CRTAC1: variants seen among roughly 807,000 people sequenced by gnomAD.
CRTAC1 encodes cartilage acidic protein 1.
Under a neutral mutation model 67.8 loss-of-function variants are expected in CRTAC1, and 37 were observed. The observed-to-expected ratio is 0.55, with a 90% CI of 0.42 to 0.72. The LOEUF is 0.72. Among genes scored for constraint, CRTAC1 ranks in the 30% least tolerant of loss-of-function variants. CRTAC1 has a pLI of 0.00. For missense variants in CRTAC1, 780 were observed against 931.6 expected, an observed-to-expected ratio of 0.84 and a Z score of 2.12; for synonymous variants, 348 against 371.0, an observed-to-expected ratio of 0.94 and a Z score of 0.71.
rs375434421 is a variant in CRTAC1, at chr10:97,923,261, C to A, written c.558+3G>T. The A allele has an allele frequency of 6.2e-6, 10 of 1,613,912 alleles. No individual in the cohort carries two copies. The highest frequency in any genetic ancestry group is 6.8e-6 in the Non-Finnish European group (8 of 1,180,034). ...CCAGGACCCCATGTGCCCCTGCACT[C>A]ACCTTTCTGTCCACACAGGCCACAG... On this transcript the variant is annotated splice_donor_region_variant and intron_variant, in intron 4 of 14. Coordinates refer to ENST00000370597, the MANE Select transcript of CRTAC1 (RefSeq NM_018058.7).
intron 2 of CRTAC1, among the ~76,000 whole-genome samples, chr10:97,996,976 A>G (rs1842586596): frequency 6.6e-6 from 1 of 151,114 alleles, no homozygotes; most frequent in Admixed American, 6.6e-5. Context: ...TCAGTAAACT[A>G]TCGCAAGGAC....
intron 2 of CRTAC1, among the ~76,000 whole-genome samples, chr10:97,965,711 T>C (rs1590245168): frequency 6.6e-6 from 1 of 152,226 alleles, no homozygotes; most frequent in Middle Eastern, 3.4e-3. Flanking sequence ...GCTATATTAA[T>C]AGAGACATGT....
chr10:97,909,165 C>T (rs1415554453), intron 5 of CRTAC1, among the ~76,000 whole-genome samples: 2 of 152,136 alleles, frequency 1.3e-5, no homozygotes, highest in Non-Finnish European at 2.9e-5. Context: ...GAGCTATCCA[C>T]GTCAAGAAGT....
At chr10:97,918,309 G>A (rs1487062380) in intron 4 of CRTAC1, among the ~76,000 whole-genome samples, 2 of 152,162 alleles carry the variant, frequency 1.3e-5, no homozygotes, top group African/African-American at 4.8e-5. Flanking sequence ...TTTGCATCCA[G>A]GAGCAGCCCT....
chr10:97,865,630 G>A lies in CRTAC1; in HGVS notation c.1904C>T (p.Ala635Val). The A allele has an allele frequency of 6.2e-7, 1 of 1,613,080 alleles. No individual in the cohort carries two copies. The highest frequency in any genetic ancestry group is 8.5e-7 in the Non-Finnish European group (1 of 1,179,618). Residue 635 changes from alanine to valine, a missense_variant, in exon 15 of 15, where the codon GCT (alanine) becomes GTT (valine). Ala to Val is a moderately conservative substitution (Grantham distance 64). Transcript: ENST00000370597. ...TACGAGGACCGGTGCAGCAGTGGCA[G>A]CTCCAGCAGCGGCAGCAGCAGCGGC... ...ATAAAAAAAGAATAAPVLVDG... is the reference protein window; with the variant it reads ...ATAAAAAAAGVATAAPVLVDG...
At chr10:97,961,027 G>GCC (rs1220629419) in intron 2 of CRTAC1, among the ~76,000 whole-genome samples, 2 of 151,980 alleles carry the variant, frequency 1.3e-5, no homozygotes, top group East Asian at 3.9e-4. Flanking sequence ...TTCCCTGGCT[G>GCC]CCCCATTTTC....
At chr10:97,885,046 G>A (rs2050262077) in intron 11 of CRTAC1, among the ~76,000 whole-genome samples, 1 of 152,210 alleles carries the variant, frequency 6.6e-6, no homozygotes, top group Non-Finnish European at 1.5e-5. Context: ...AGTCCAGTTG[G>A]GGAGACAAGC....
In CRTAC1 at chr10:97,896,964, G is replaced by A. The variant is rs887180386; in HGVS notation, c.1161C>T (p.Pro387=). ...FRVIRREHGD[P]LIEELNPGDA... is the part of the protein sequence containing the mutation. ...CGCCGGGATTGAGCTCCTCGATGAG[G>A]GGGTCTCCGTGCTCTCTACGGATGA... Residue 387 remains proline (P), a synonymous_variant, in exon 9 of 15, where the codon CCC becomes CCT. Coordinates refer to ENST00000370597, the MANE Select transcript of CRTAC1 (RefSeq NM_018058.7). The A allele has an allele frequency of 1.3e-6, 2 of 1,560,434 alleles. No individual in the cohort carries two copies. The highest frequency in any genetic ancestry group is 2.7e-5 in the African/African-American group (2 of 73,730).
chr10:98,015,656 C>G (rs1278222623), intron 1 of CRTAC1, among the ~76,000 whole-genome samples: 1 of 152,164 alleles, frequency 6.6e-6, no homozygotes, highest in Non-Finnish European at 1.5e-5. Flanking sequence ...TTTTTAAAAG[C>G]TCCCACATGA....
intron 2 of CRTAC1, among the ~76,000 whole-genome samples, chr10:97,949,111 G>A (rs2051309420): frequency 6.6e-6 from 1 of 152,226 alleles, no homozygotes; most frequent in Non-Finnish European, 1.5e-5. Context: ...ACAGCTGAGA[G>A]GACAGTGTGG....
chr10:97,897,037 G>A (rs997109656), intron 8 of CRTAC1, 46 bp from the exon 9 acceptor site: 27 of 1,423,662 alleles, frequency 1.9e-5, no homozygotes, highest in South Asian at 6.3e-5. Context: ...CTCAGAGGCC[G>A]CTGGACCAGA....
At chr10:97,913,011 A>G (rs902603260) in intron 5 of CRTAC1, among the ~76,000 whole-genome samples, 1 of 152,108 alleles carries the variant, frequency 6.6e-6, no homozygotes, top group African/African-American at 2.4e-5. Flanking sequence ...CTTAATAGAA[A>G]CAGGATTCTG....
chr10:97,943,038 C>T (rs1353511608), intron 2 of CRTAC1, among the ~76,000 whole-genome samples: 1 of 151,696 alleles, frequency 6.6e-6, no homozygotes, highest in Non-Finnish European at 1.5e-5. Context: ...TGCCACTGCA[C>T]TCCAGCCTGG....
At position 97,970,978 on chromosome 10, in the gene CRTAC1, G is replaced by A. The variant is rs552317726; in HGVS notation, c.225-34612C>T. On this transcript the variant is annotated intron_variant, in intron 2 of 14. Transcript: ENST00000370597. ...GGAAACACACCCCAGCTAATGAAGC[G>A]TTTCTTTTAAAGTTTACCTTCATTA... 3.9e-5 allele frequency among the ~76,000 whole-genome samples: 6 copies of A among 152,306 alleles called. No homozygotes were observed. The South Asian group carries it at 8.3e-4, about 21-fold the overall frequency.
chr10:98,005,100 ATTTTTT>A (rs10683960), intron 2 of CRTAC1, among the ~76,000 whole-genome samples: 2 of 48,926 alleles, frequency 4.1e-5, no homozygotes, highest in South Asian at 6.2e-4. Context: ...ATATATATAT[ATTTTTT>A]TTTTTTTTTT....
At chr10:97,950,262 G>C (rs1335240779) in intron 2 of CRTAC1, among the ~76,000 whole-genome samples, 8 of 151,278 alleles carry the variant, frequency 5.3e-5, no homozygotes, top group Non-Finnish European at 8.9e-5. Context: ...GAGAGAGAGA[G>C]AGAGAGAGAG....
chr10:97,970,697 A>G (rs961592052), intron 2 of CRTAC1, among the ~76,000 whole-genome samples: 6 of 152,206 alleles, frequency 3.9e-5, no homozygotes, highest in Non-Finnish European at 7.3e-5. Flanking sequence ...ATGCCATCTG[A>G]CATATTAATA....
chr10:98,007,357 A>G (rs769482753), intron 2 of CRTAC1, among the ~76,000 whole-genome samples: 5 of 152,224 alleles, frequency 3.3e-5, no homozygotes, highest in Admixed American at 1.3e-4. Flanking sequence ...ATCCAGCCCA[A>G]AAAAGGAGAC....
chr10:97,999,397 C>T (rs1006071483), intron 2 of CRTAC1, among the ~76,000 whole-genome samples: 10 of 152,226 alleles, frequency 6.6e-5, no homozygotes, highest in South Asian at 2.1e-4. Flanking sequence ...AGGGCAAGCC[C>T]GGGCACTGTT....
Sources: allele counts gnomAD v4.1 joint callset (sites outside exome capture counted in the v4.1 genomes callset), GRCh38; gene constraint gnomAD v4.1.1; transcripts MANE v1.5; gene names NCBI Gene and HGNC (gene_info 2026-07-23, HGNC 2026-07-21).